Variants in MED27 observed in about 807,000 individuals in gnomAD.
MED27 encodes the protein mediator complex subunit 27.
MED27 carries 30 observed loss-of-function variants against 38.2 expected under a neutral mutation model. The observed-to-expected ratio is 0.79, with a 90% CI of 0.59 to 1.07. The LOEUF (loss-of-function observed/expected upper bound fraction) is 1.07, where lower values mean the gene tolerates loss of function less well. MED27 is among the 50% of genes least tolerant of loss of function. The pLI, the probability that MED27 is intolerant of heterozygous loss-of-function variation, is 0.00. For missense variants in MED27, 289 were observed against 397.5 expected (o/e 0.73, Z 2.32); for synonymous variants, 122 against 153.5 (o/e 0.79, Z 1.52).
chr9:131,974,274 T>G (rs1478735386), intron 3 of MED27, among the ~76,000 whole-genome samples: 1 of 152,232 alleles, frequency 6.6e-6, no homozygotes, highest in African/African-American at 2.4e-5. Flanking sequence ...TTAAATTAGT[T>G]CTACTGTTAA....
intron 3 of MED27, among the ~76,000 whole-genome samples, chr9:131,985,697 G>GTT (rs75420101): frequency 2.9e-5 from 4 of 136,606 alleles, no homozygotes; most frequent in African/African-American, 9.1e-5. Flanking sequence ...AATTTTAATT[G>GTT]TTTTTTTTTT....
chr9:131,938,735 G>A (rs1333790688), intron 4 of MED27, among the ~76,000 whole-genome samples: 5 of 148,440 alleles, frequency 3.4e-5, no homozygotes, highest in Non-Finnish European at 7.4e-5. Context: ...TTTTTGAGAA[G>A]GAGTCTTGCT....
rs957831783 is a variant in MED27 at position 131,861,706 on chromosome 9, G to A, written c.802-1034C>T. On this transcript the variant is annotated intron_variant, in intron 7 of 7. Coordinates refer to ENST00000292035, the MANE Select transcript of MED27 (RefSeq NM_004269.4). The surrounding 1 kb of genome is among the most constrained non-coding windows in gnomAD (Gnocchi z 4.4). ...CTCAAATCAATCAATCAACAGATTC[G>A]TATTAATTAGCTGGTGTGGGCTGAG... 4.6e-5 allele frequency among the ~76,000 whole-genome samples: 7 copies of A among 151,932 alleles called. No individual in the cohort carries two copies. Among genetic ancestry groups the A allele is most frequent in the East Asian group, 1.9e-4 (1 of 5,182 alleles).
intron 2 of MED27, among the ~76,000 whole-genome samples, chr9:132,058,772 T>C (rs1240970573): frequency 1.3e-5 from 2 of 152,228 alleles, no homozygotes; most frequent in Non-Finnish European, 2.9e-5. Flanking sequence ...AGTGAAACTG[T>C]ATCAAAAGCT....
chr9:131,922,966 C>A (rs959984753), intron 4 of MED27, among the ~76,000 whole-genome samples: 16 of 152,148 alleles, frequency 1.1e-4, no homozygotes, highest in Non-Finnish European at 2.9e-5. Flanking sequence ...TACTTTCCGG[C>A]ACAGCAAGAT....
intron 4 of MED27, among the ~76,000 whole-genome samples, chr9:131,898,224 T>C (rs1297058701): frequency 1.3e-5 from 2 of 151,946 alleles, no homozygotes; most frequent in Non-Finnish European, 2.9e-5. Flanking sequence ...TCTATGAAGT[T>C]TGTCAATTCT....
intron 3 of MED27, among the ~76,000 whole-genome samples, chr9:131,945,369 T>C (rs1705480408): frequency 6.6e-6 from 1 of 152,082 alleles, no homozygotes; most frequent in South Asian, 2.1e-4. Context: ...ATGCATATAT[T>C]GTGGAACAGT....
At chr9:132,071,235 G>A (rs1367554142) in intron 2 of MED27, among the ~76,000 whole-genome samples, 1 of 152,174 alleles carries the variant, frequency 6.6e-6, no homozygotes, top group African/African-American at 2.4e-5. Context: ...CACAGCATGT[G>A]AGCCAGAGTG....
chr9:131,941,057 G>A (rs368088044), intron 3 of MED27, among the ~76,000 whole-genome samples: 6 of 152,150 alleles, frequency 3.9e-5, no homozygotes, highest in Non-Finnish European at 8.8e-5. Flanking sequence ...CAGTGGTAGC[G>A]CATTGTGAAG....
chr9:132,073,206 A>G lies in MED27; in HGVS notation c.348+4236T>C, dbSNP rs368909250. On this transcript the variant is annotated intron_variant, in intron 2 of 7. Transcript: ENST00000292035. The stretch of plus-strand genomic sequence containing the variant: ...ATGACCCCCAGCCCTGGCCTCCATC[A>G]TAAGGTCTCCAAATTGCCTCCCATC... 15 of 468,624 alleles carry G rather than the reference A, an allele frequency of 3.2e-5. No individual in the cohort carries two copies. The East Asian group carries it at 9.3e-4, about 29-fold the overall frequency. 29.0% of individuals were successfully genotyped at this position (468,624 alleles called of 1,614,324 possible).
At chr9:131,898,435 G>A (rs1233444342) in intron 4 of MED27, among the ~76,000 whole-genome samples, 1 of 152,054 alleles carries the variant, frequency 6.6e-6, no homozygotes, top group Non-Finnish European at 1.5e-5. Context: ...GGCTGGTCTC[G>A]AACTCCTGAC....
intron 3 of MED27, among the ~76,000 whole-genome samples, chr9:131,952,782 C>T (rs1157555723): frequency 6.6e-6 from 1 of 152,234 alleles, no homozygotes; most frequent in Non-Finnish European, 1.5e-5. Flanking sequence ...CCTCCTCTTA[C>T]CCCTGGGGGA....
intron 3 of MED27, among the ~76,000 whole-genome samples, chr9:131,947,560 A>C (rs1477098538): frequency 6.6e-6 from 1 of 152,236 alleles, no homozygotes; most frequent in Non-Finnish European, 1.5e-5. Flanking sequence ...TCGCCTTTGC[A>C]AAACATTAAT....
intron 6 of MED27, among the ~76,000 whole-genome samples, chr9:131,878,425 G>A (rs1406786987): frequency 2.0e-5 from 3 of 152,114 alleles, no homozygotes; most frequent in Non-Finnish European, 4.4e-5. Context: ...AAGTTCAGAC[G>A]GTGCAGAACT....
At chr9:132,032,030 C>T (rs373872582) in intron 2 of MED27, 7 of 152,118 alleles carry the variant, frequency 4.6e-5, no homozygotes, top group Non-Finnish European at 1.0e-4. Flanking sequence ...GGAGAGAGTT[C>T]GTTCCACTGG....
chr9:131,970,814 A>C (rs1831460458), intron 3 of MED27, among the ~76,000 whole-genome samples: 1 of 152,254 alleles, frequency 6.6e-6, no homozygotes, highest in Admixed American at 6.5e-5. Flanking sequence ...GGAGGAGAAC[A>C]GTAGAGAAGA....
intron 2 of MED27, among the ~76,000 whole-genome samples, chr9:132,056,541 T>G (rs999324981): frequency 2.0e-5 from 3 of 152,198 alleles, no homozygotes; most frequent in Non-Finnish European, 4.4e-5. Context: ...CTTTGGAACA[T>G]TTTGGATTTC....
chr9:132,037,932 C>G (rs1408082566), intron 2 of MED27, among the ~76,000 whole-genome samples: 1 of 152,134 alleles, frequency 6.6e-6, no homozygotes, highest in East Asian at 1.9e-4. Context: ...TGAATTCTGC[C>G]TGCCCCACGA....
chr9:131,863,186 C>T (rs562745917), intron 6 of MED27, 46 bp from the exon 7 acceptor site: 1 of 1,549,428 alleles, frequency 6.5e-7, no homozygotes, highest in South Asian at 1.1e-5. Context: ...TCCAAGCTGG[C>T]ATAGAGAAAA....
Sources: allele counts gnomAD v4.1 joint callset (sites outside exome capture counted in the v4.1 genomes callset), GRCh38; gene constraint gnomAD v4.1.1; non-coding constraint Gnocchi (gnomAD v3.1); transcripts MANE v1.5; gene names NCBI Gene and HGNC (gene_info 2026-07-23, HGNC 2026-07-21).